BIN1: variants seen among roughly 807,000 people sequenced by gnomAD.
The protein encoded by BIN1 is bridging integrator 1.
A neutral mutation model predicts 82.0 loss-of-function variants in BIN1; 53 were observed. That is an observed-to-expected ratio of 0.65 (90% CI 0.52 to 0.81). BIN1 has a LOEUF of 0.81. BIN1 is among the 40% of genes least tolerant of loss of function. The pLI is 0.00. For missense variants in BIN1, 642 were observed against 784.4 expected (o/e 0.82, Z 2.17); for synonymous variants, 302 against 328.0 (o/e 0.92, Z 0.86).
chr2:127,059,280 GT>G lies in BIN1; in HGVS notation c.858-126del. ...TATGGAGGTGTGAAACTGTGTGTGTGTGTGTGTGTGTGTATGTGAGAGAGAG... is the reference window on the plus strand; with the variant it reads ...TATGGAGGTGTGAAACTGTGTGTGTGGTGTGTGTGTGTATGTGAGAGAGAG... On this transcript the variant is annotated intron_variant, in intron 10 of 18. Transcript: ENST00000316724. This position sits in a 1 kb window ranked among gnomAD's most constrained non-coding sequence, Gnocchi z 6.7. The G allele has an allele frequency of 9.4e-7, 1 of 1,063,128 alleles. No individual in the cohort carries two copies. The highest frequency in any genetic ancestry group is 1.4e-6 in the Non-Finnish European group (1 of 722,102). The allele number at this position is 1,063,128 out of a possible 1,614,324, so 65.9% of individuals were successfully genotyped here.
At position 127,059,006 on chromosome 2, in the gene BIN1, C is replaced by G. The variant is rs1479483840; in HGVS notation, c.1002+5G>C. On this transcript the variant is annotated splice_donor_5th_base_variant and intron_variant, in intron 11 of 18. Coordinates refer to ENST00000316724, the MANE Select transcript of BIN1 (RefSeq NM_139343.3). This position sits in a 1 kb window ranked among gnomAD's most constrained non-coding sequence, Gnocchi z 6.7. ...GGGGACCTGCTACCAAGACATCACT[C>G]CTACCTGAGATGGGGACTTGGGGAG... is the stretch of plus-strand genomic sequence containing the variant. 8.4e-6 allele frequency: 13 copies of G among 1,556,706 alleles called. No individual in the cohort carries two copies. The East Asian group carries it at 3.1e-4, about 37-fold the overall frequency.
intron 12 of BIN1, chr2:127,054,726 C>T (rs1046927027): frequency 6.6e-6 from 1 of 152,622 alleles, no homozygotes; most frequent in African/African-American, 2.4e-5. Context: ...TCCCAGCAGC[C>T]CCTCGCCAAG....
At chr2:127,063,778 C>A in intron 8 of BIN1, 132 bp from the exon 9 acceptor site, 4 of 1,397,848 alleles carry the variant, frequency 2.9e-6, no homozygotes, top group Non-Finnish European at 4.0e-6. Flanking sequence ...CACCGCAGCA[C>A]TCAGGCTGGA....
rs909889641 is a variant in BIN1, at chr2:127,048,116, G to C, written c.*410C>G. On this transcript the variant is annotated 3_prime_UTR_variant, in exon 19 of 19. Transcript: ENST00000316724. ...CAAACAGCACACAGACCGTCTGCGG[G>C]GCAGAGCCAGGCTAGGCTGGTGTCT... The C allele has an allele frequency of 3.5e-6, 1 of 287,926 alleles. No individual in the cohort carries two copies. The highest frequency in any genetic ancestry group is 6.7e-6 in the Non-Finnish European group (1 of 148,810). 17.8% of individuals were successfully genotyped at this position (287,926 alleles called of 1,614,324 possible).
At chr2:127,099,826 C>T (rs1184361606) in intron 1 of BIN1, among the ~76,000 whole-genome samples, 3 of 140,320 alleles carry the variant, frequency 2.1e-5, no homozygotes, top group African/African-American at 2.7e-5. Flanking sequence ...TTTTTTGAGA[C>T]GGAGTCTCGC....
At position 127,057,795 on chromosome 2, in the gene BIN1, C is replaced by T. The variant is rs895277910; in HGVS notation, c.1003-194G>A. ...CCAACATAGACACCAAGACCCCAGG[C>T]CACCCCCGAGAGGGACACTGAGGCA... On this transcript the variant is annotated intron_variant, in intron 11 of 18. Transcript: ENST00000316724. This position sits in a 1 kb window ranked among gnomAD's most constrained non-coding sequence, Gnocchi z 5.0. Among the ~76,000 whole-genome samples, 2 of 151,846 alleles carry T rather than the reference C, an allele frequency of 1.3e-5. No homozygotes were observed. Among genetic ancestry groups the T allele is most frequent in the Non-Finnish European group, 2.9e-5 (2 of 67,970 alleles).
At chr2:127,062,060 G>T in intron 10 of BIN1, 55 bp downstream of exon 10, 1 of 1,545,134 alleles carries the variant, frequency 6.5e-7, no homozygotes, top group South Asian at 1.2e-5. Context: ...ACAGGAAGGA[G>T]CCCTGCCCCT....
At chr2:127,060,562 C>T in intron 10 of BIN1, 1 of 1,613,966 alleles carries the variant, frequency 6.2e-7, no homozygotes, top group Non-Finnish European at 8.5e-7. Flanking sequence ...GGGCGCGGGC[C>T]TCTGCGCCCC....
chr2:127,059,063 T>C lies in BIN1; in HGVS notation c.950A>G (p.Glu317Gly), dbSNP rs1218867026. The C allele has an allele frequency of 1.9e-6, 3 of 1,581,976 alleles. No homozygotes were observed. Among genetic ancestry groups the C allele is most frequent in the Middle Eastern group, 1.7e-4 (1 of 6,014 alleles). ...CCCGGGCGTGGCCCCGCCGGCCGGC[T>C]CTGGCTCGTGGTTGACTCTGATCTC... ...TPEIRVNHEP[E>G]PAGGATPGAT... The change falls in exon 11 of 19, where the codon GAG (glutamate) becomes GGG (glycine). Residue 317 changes from glutamate to glycine, a missense_variant. Glu to Gly is a moderately conservative substitution (Grantham distance 98). Coordinates refer to ENST00000316724, the MANE Select transcript of BIN1 (RefSeq NM_139343.3). This position sits in a 1 kb window ranked among gnomAD's most constrained non-coding sequence, Gnocchi z 6.7.
chr2:127,074,191 C>A (rs1197350825), intron 2 of BIN1, among the ~76,000 whole-genome samples: 1 of 152,074 alleles, frequency 6.6e-6, no homozygotes, highest in African/African-American at 2.4e-5. Context: ...CCCATTCTCT[C>A]TCTCCTTTCC....
Position 127,052,380 on chromosome 2 carries a change from G to A in BIN1, c.1264-18C>T. The A allele has an allele frequency of 6.4e-7, 1 of 1,563,080 alleles. No homozygotes were observed. The highest frequency in any genetic ancestry group is 8.7e-7 in the Non-Finnish European group (1 of 1,153,230). On this transcript the variant is annotated intron_variant, in intron 14 of 18. Coordinates refer to ENST00000316724, the MANE Select transcript of BIN1 (RefSeq NM_139343.3). ...TCTGTGGGCTGGTAACAGGCCACGA[G>A]GAGAGAACAGGGAGGGGGCGGGGAG...
At chr2:127,094,428 G>A (rs1174053809) in intron 1 of BIN1, among the ~76,000 whole-genome samples, 2 of 152,198 alleles carry the variant, frequency 1.3e-5, no homozygotes, top group East Asian at 1.9e-4. Context: ...CCAGCAAACA[G>A]GGTTTGCTGT....
At position 127,048,112 on chromosome 2, in the gene BIN1, G is replaced by A. The variant is rs1406524941; in HGVS notation, c.*414C>T. 5 of 278,798 alleles carry A rather than the reference G, an allele frequency of 1.8e-5. No individual in the cohort carries two copies. Among genetic ancestry groups the A allele is most frequent in the African/African-American group, 1.1e-4 (5 of 45,548 alleles). The allele number at this position is 278,798 out of a possible 1,614,324, so 17.3% of individuals were successfully genotyped here. On this transcript the variant is annotated 3_prime_UTR_variant, in exon 19 of 19. Transcript: ENST00000316724. ...TTTTCAAACAGCACACAGACCGTCT[G>A]CGGGGCAGAGCCAGGCTAGGCTGGT... is the stretch of plus-strand genomic sequence containing the variant.
At chr2:127,066,060 G>C (rs1024137675) in intron 7 of BIN1, among the ~76,000 whole-genome samples, 2 of 152,172 alleles carry the variant, frequency 1.3e-5, no homozygotes, top group African/African-American at 2.4e-5. Flanking sequence ...CTAGCCCAGG[G>C]TCTGCATGGA....
At chr2:127,064,941 G>T (rs1051641586) in intron 7 of BIN1, 1 of 152,276 alleles carries the variant, frequency 6.6e-6, no homozygotes, top group African/African-American at 2.4e-5. Context: ...AGGGATTCGG[G>T]GTCTGAGTCA....
At position 127,059,643 on chromosome 2, in the gene BIN1, A is replaced by G. The variant is rs1230741141; in HGVS notation, c.858-488T>C. 6.6e-6 allele frequency among the ~76,000 whole-genome samples: 1 copy of G among 152,124 alleles called. No homozygotes were observed. The highest frequency in any genetic ancestry group is 1.5e-5 in the Non-Finnish European group (1 of 68,010). On this transcript the variant is annotated intron_variant, in intron 10 of 18. Coordinates refer to ENST00000316724, the MANE Select transcript of BIN1 (RefSeq NM_139343.3). The surrounding 1 kb of genome is among the most constrained non-coding windows in gnomAD (Gnocchi z 6.7). The stretch of plus-strand genomic sequence containing the variant: ...GCTGCCCTCCCTGCCTGTCCATCAC[A>G]GCACCCTGGTACATGTCTCTAGACC...
intron 1 of BIN1, among the ~76,000 whole-genome samples, chr2:127,091,476 G>A (rs186555718): frequency 4.6e-5 from 7 of 152,354 alleles, no homozygotes; most frequent in Admixed American, 3.9e-4. Flanking sequence ...GACCTACTTC[G>A]AGTCCAAGGC....
chr2:127,100,300 G>T (rs1207962693), intron 1 of BIN1, among the ~76,000 whole-genome samples: 1 of 151,912 alleles, frequency 6.6e-6, no homozygotes, highest in East Asian at 1.9e-4. Flanking sequence ...ACCCCAGGTG[G>T]AGCTGGGGGT....
intron 18 of BIN1, among the ~76,000 whole-genome samples, chr2:127,049,493 G>C (rs529990564): frequency 6.6e-6 from 1 of 152,182 alleles, no homozygotes; most frequent in Non-Finnish European, 1.5e-5. Flanking sequence ...AGTAGGGTCG[G>C]CCTCATCCAA....
Sources: allele counts gnomAD v4.1 joint callset (sites outside exome capture counted in the v4.1 genomes callset), GRCh38; gene constraint gnomAD v4.1.1; non-coding constraint Gnocchi (gnomAD v3.1); transcripts MANE v1.5; gene names NCBI Gene and HGNC (gene_info 2026-07-23, HGNC 2026-07-21).